NBEA: variants seen among roughly 807,000 people sequenced by gnomAD.
NBEA encodes lysosomal-trafficking regulator 2.
A neutral mutation model predicts 343.4 loss-of-function variants in NBEA; 44 were observed. The observed-to-expected ratio is 0.13, with a 90% CI of 0.10 to 0.16. The LOEUF is 0.16. NBEA is among the 10% of genes least tolerant of loss of function. The pLI, the probability that NBEA is intolerant of heterozygous loss-of-function variation, is 1.00. For missense variants in NBEA, 2,555 were observed against 3,631.3 expected (o/e 0.70, Z 7.62); for synonymous variants, 1,175 against 1,238.7 (o/e 0.95, Z 1.08).
At chr13:35,176,150 A>G (rs1361136071) in intron 27 of NBEA, among the ~76,000 whole-genome samples, 1 of 152,074 alleles carries the variant, frequency 6.6e-6, no homozygotes, top group Non-Finnish European at 1.5e-5. Context: ...AATACTATCA[A>G]CCTTTAAATA....
chr13:35,230,147 T>G (rs1358549515), intron 33 of NBEA, among the ~76,000 whole-genome samples: 3 of 152,084 alleles, frequency 2.0e-5, no homozygotes, highest in Non-Finnish European at 4.4e-5. Flanking sequence ...GGGATTCACT[T>G]TCTGAGAAAT....
intron 55 of NBEA, among the ~76,000 whole-genome samples, chr13:35,659,000 T>C (rs190233737): frequency 1.2e-4 from 19 of 152,236 alleles, no homozygotes; most frequent in Admixed American, 7.8e-4. Context: ...GTGAAAGAGA[T>C]TTTCTTCTGT....
chr13:35,109,356 G>T lies in NBEA; in HGVS notation c.1747G>T (p.Gly583Cys), dbSNP rs774874223. The part of the protein sequence containing the change: ...QFLSFAKYLD[G>C]LSHGAPLLKQ... The stretch of plus-strand genomic sequence containing the variant: ...TTTATCTTTTGCAAAATACCTTGAT[G>T]GTTTATCTCATGGAGCACCTTTGCT... The change falls in exon 12 of 59, where the codon GGT becomes TGT. Residue 583 changes from glycine (G) to cysteine (C), a missense_variant. Transcript: ENST00000379939. 6.8e-6 allele frequency: 11 copies of T among 1,612,092 alleles called. No individual in the cohort carries two copies. The highest frequency in any genetic ancestry group is 1.7e-5 in the Admixed American group (1 of 59,736).
At chr13:35,603,074 CA>C (rs2082127144) in intron 47 of NBEA, among the ~76,000 whole-genome samples, 1 of 152,076 alleles carries the variant, frequency 6.6e-6, no homozygotes, top group Admixed American at 6.5e-5. Context: ...ATTTTTTAAA[CA>C]GAAAAGTTTC....
chr13:35,101,616 C>T (rs73167763), intron 11 of NBEA, among the ~76,000 whole-genome samples: 79 of 151,538 alleles, frequency 5.2e-4, no homozygotes, highest in Non-Finnish European at 9.3e-4. Flanking sequence ...CCTTAATAGA[C>T]GGATGATTAA....
intron 7 of NBEA, among the ~76,000 whole-genome samples, chr13:35,057,040 G>T (rs2063293798): frequency 6.6e-6 from 1 of 152,050 alleles, no homozygotes; most frequent in Non-Finnish European, 1.5e-5. Flanking sequence ...AACCTCAAGG[G>T]TCCTTACGGT....
At chr13:35,147,830 AG>A (rs775358855) in intron 18 of NBEA, among the ~76,000 whole-genome samples, 21 of 152,198 alleles carry the variant, frequency 1.4e-4, no homozygotes, top group Non-Finnish European at 2.9e-4. Context: ...TACAAAGCTC[AG>A]GGTTTTGATA....
At chr13:35,251,476 A>G in intron 34 of NBEA, 2 of 1,068,682 alleles carry the variant, frequency 1.9e-6, no homozygotes, top group Non-Finnish European at 2.3e-6. Context: ...CTGTTCCCCA[A>G]GCCAGGTGAG....
chr13:35,385,597 G>A (rs889331517), intron 38 of NBEA, among the ~76,000 whole-genome samples: 1 of 152,080 alleles, frequency 6.6e-6, no homozygotes, highest in African/African-American at 2.4e-5. Flanking sequence ...CAGCTACTTG[G>A]GAGGCTGATG....
At chr13:35,444,890 A>T (rs764973818) in intron 39 of NBEA, among the ~76,000 whole-genome samples, 2 of 152,162 alleles carry the variant, frequency 1.3e-5, no homozygotes, top group Non-Finnish European at 2.9e-5. Flanking sequence ...TGGAAAACCT[A>T]CATTACATTT....
chr13:35,435,979 A>G (rs1168513437), intron 39 of NBEA, among the ~76,000 whole-genome samples: 2 of 152,110 alleles, frequency 1.3e-5, no homozygotes, highest in East Asian at 1.9e-4. Context: ...AAGACAGGGG[A>G]AAAAAAGCTA....
chr13:35,157,526 C>A (rs1161478866), intron 21 of NBEA, among the ~76,000 whole-genome samples: 3 of 152,106 alleles, frequency 2.0e-5, no homozygotes, highest in East Asian at 1.9e-4. Flanking sequence ...TATAGCAAAT[C>A]TGGGAACTTT....
At chr13:35,368,589 A>G (rs2041256631) in intron 38 of NBEA, among the ~76,000 whole-genome samples, 1 of 151,658 alleles carries the variant, frequency 6.6e-6, no homozygotes, top group Admixed American at 6.6e-5. Flanking sequence ...TATTATAAAT[A>G]TCTTTACTAT....
At chr13:35,282,669 C>T (rs2035133777) in intron 34 of NBEA, among the ~76,000 whole-genome samples, 1 of 152,274 alleles carries the variant, frequency 6.6e-6, no homozygotes, top group Non-Finnish European at 1.5e-5. Context: ...AGGTCAGTCA[C>T]CTTCTGTAGT....
At chr13:35,032,163 C>T (rs1475882158) in intron 1 of NBEA, among the ~76,000 whole-genome samples, 1 of 151,706 alleles carries the variant, frequency 6.6e-6, no homozygotes, top group Non-Finnish European at 1.5e-5. Flanking sequence ...TGGATATATA[C>T]CCAGTAATGG....
At chr13:34,946,300 C>T (rs940636853) in intron 1 of NBEA, among the ~76,000 whole-genome samples, 4 of 152,016 alleles carry the variant, frequency 2.6e-5, no homozygotes, top group African/African-American at 4.8e-5. Context: ...GTAAAACTGG[C>T]GTACTACCTA....
intron 16 of NBEA, among the ~76,000 whole-genome samples, chr13:35,119,674 T>C (rs772424676): frequency 1.8e-4 from 27 of 152,098 alleles, no homozygotes; most frequent in Admixed American, 7.2e-4. Context: ...CAAGCTCCAC[T>C]TCCCGGGTTC....
intron 18 of NBEA, among the ~76,000 whole-genome samples, chr13:35,148,275 G>C (rs1348049666): frequency 1.3e-5 from 2 of 152,130 alleles, no homozygotes; most frequent in African/African-American, 4.8e-5. Flanking sequence ...GGGGTTTAAG[G>C]CTGCTTCCTT....
intron 46 of NBEA, chr13:35,592,891 A>G (rs975466899): frequency 2.0e-5 from 3 of 153,268 alleles, no homozygotes; most frequent in African/African-American, 7.2e-5. Context: ...ACCTAATTCC[A>G]CACTGCAGTG....
Sources: gnomAD v4.1 joint callset for allele counts (sites outside exome capture counted in the v4.1 genomes callset) on GRCh38, gnomAD v4.1.1 for gene constraint, MANE v1.5 for transcripts, NCBI Gene and HGNC (gene_info 2026-07-23, HGNC 2026-07-21) for gene names.